Variants in TMEM132B observed in about 807,000 individuals in gnomAD.
TMEM132B encodes transmembrane protein 132B.
In TMEM132B, 18 loss-of-function variants were observed where a neutral mutation model predicts 90.8. That is an observed-to-expected ratio of 0.20 (90% CI 0.14 to 0.29). The LOEUF (loss-of-function observed/expected upper bound fraction) is 0.29. TMEM132B is among the 10% of genes least tolerant of loss of function. The probability of loss-of-function intolerance (pLI) is 1.00; values close to 1 mark genes in which losing one functional copy is unlikely to be tolerated. For missense variants in TMEM132B, 1,096 were observed against 1,326.8 expected (o/e 0.83, Z 2.70); for synonymous variants, 504 against 523.3 (o/e 0.96, Z 0.50).
At chr12:125,255,794 G>A (rs1320666450) in intron 1 of TMEM132B, among the ~76,000 whole-genome samples, 2 of 152,124 alleles carry the variant, frequency 1.3e-5, no homozygotes, top group South Asian at 2.1e-4. Context: ...GAGGGAAAAC[G>A]ACATCTTTCA....
At position 125,407,007 on chromosome 12, in the gene TMEM132B, C is replaced by G. The variant is rs181021924; in HGVS notation, c.960-8524C>G. 2.0e-5 allele frequency among the ~76,000 whole-genome samples: 3 copies of G among 152,292 alleles called. No individual in the cohort carries two copies. Among genetic ancestry groups the G allele is most frequent in the Non-Finnish European group, 4.4e-5 (3 of 68,018 alleles). ...GCTTCTCCCAGAGCTGATGTGCAAC[C>G]ATAGGCACAGAGTGCTGCCAACTGG... On this transcript the variant is annotated intron_variant, in intron 2 of 8. Transcript: ENST00000682704. This position sits in a 1 kb window ranked among gnomAD's most constrained non-coding sequence, Gnocchi z 6.7.
intron 3 of TMEM132B, among the ~76,000 whole-genome samples, chr12:125,416,028 T>G (rs532307119): frequency 1.1e-4 from 16 of 152,334 alleles, no homozygotes; most frequent in South Asian, 1.0e-3. Context: ...CGTCCCTTAG[T>G]GCTTAAATAT....
In TMEM132B at chr12:125,199,765, G is replaced by A. The variant is rs535512867; in HGVS notation, c.67+12899G>A. On this transcript the variant is annotated intron_variant, in intron 1 of 8. Coordinates refer to ENST00000682704, the MANE Select transcript of TMEM132B (RefSeq NM_001366854.1). ...TCATGGCTCAAAATGACAGCTACAG[G>A]TGCAGCCATCTCATCTCCATCCCAG... Among the ~76,000 whole-genome samples the A allele has an allele frequency of 2.8e-4, 42 of 152,140 alleles. 1 individual carries two copies. Among genetic ancestry groups the A allele is most frequent in the South Asian group, 6.2e-4 (3 of 4,822 alleles).
chr12:125,206,544 A>G (rs1873190212), intron 1 of TMEM132B, among the ~76,000 whole-genome samples: 2 of 152,032 alleles, frequency 1.3e-5, no homozygotes, highest in African/African-American at 4.8e-5. Flanking sequence ...GGTCTGATTG[A>G]TATAAACGAG....
At chr12:125,620,528 C>T (rs1886092001) in intron 5 of TMEM132B, among the ~76,000 whole-genome samples, 1 of 152,172 alleles carries the variant, frequency 6.6e-6, no homozygotes, top group African/African-American at 2.4e-5. Context: ...CTGTCTTTCT[C>T]CAATGATAAA....
At chr12:125,505,184 A>ACAAAAG (rs759860832) in intron 3 of TMEM132B, among the ~76,000 whole-genome samples, 1 of 144,234 alleles carries the variant, frequency 6.9e-6, no homozygotes, top group Non-Finnish European at 1.5e-5. Flanking sequence ...AAAAAAAAAA[A>ACAAAAG]AAAAAAAAAA....
At chr12:125,360,191 A>G (rs1206285284) in intron 2 of TMEM132B, among the ~76,000 whole-genome samples, 1 of 152,222 alleles carries the variant, frequency 6.6e-6, no homozygotes, top group Non-Finnish European at 1.5e-5. Flanking sequence ...GTAAGATAAC[A>G]TCTGACAAAG....
rs1206513620 is a variant in TMEM132B, at chr12:125,589,290, G to A, written c.1437+5296G>A. Among the ~76,000 whole-genome samples, 5 of 152,052 alleles carry A rather than the reference G, an allele frequency of 3.3e-5. No homozygotes were observed. The East Asian group carries it at 5.8e-4, about 18-fold the overall frequency. On this transcript the variant is annotated intron_variant, in intron 5 of 8. Coordinates refer to ENST00000682704, the MANE Select transcript of TMEM132B (RefSeq NM_001366854.1). Reference sequence around the variant, plus strand: ...GAGGTCAGGAGATCGAGACCATCCTGGCTAACACGGTGAAACCCTGTCTCT... The same window carrying A: ...GAGGTCAGGAGATCGAGACCATCCTAGCTAACACGGTGAAACCCTGTCTCT...
rs140710425 is a variant in TMEM132B at position 125,500,112 on chromosome 12, C to G, written c.1107-19327C>G. ...CCAGCTTTCACTATCTTGTGTGTGTCTATTATTTCTCAACCTGCCAGTCCA... is the reference window on the plus strand; with the variant it reads ...CCAGCTTTCACTATCTTGTGTGTGTGTATTATTTCTCAACCTGCCAGTCCA... On this transcript the variant is annotated intron_variant, in intron 3 of 8. Transcript: ENST00000682704. 4.1e-3 allele frequency among the ~76,000 whole-genome samples: 625 copies of G among 152,286 alleles called. 6 individuals carry two copies. Among genetic ancestry groups the G allele is most frequent in the African/African-American group, 0.014 (584 of 41,552 alleles).
intron 2 of TMEM132B, among the ~76,000 whole-genome samples, chr12:125,391,528 G>A (rs1381941756): frequency 6.6e-6 from 1 of 152,110 alleles, no homozygotes; most frequent in Non-Finnish European, 1.5e-5. Flanking sequence ...CCGCAAGCCT[G>A]GCAGCAAAGT....
chr12:125,419,947 C>A (rs996464601), intron 3 of TMEM132B, among the ~76,000 whole-genome samples: 2 of 152,226 alleles, frequency 1.3e-5, no homozygotes, highest in Non-Finnish European at 1.5e-5. Context: ...CTAAAATGAT[C>A]TCCTTTGACT....
intron 1 of TMEM132B, among the ~76,000 whole-genome samples, chr12:125,304,333 C>T (rs1050963321): frequency 1.3e-5 from 2 of 152,012 alleles, no homozygotes; most frequent in Non-Finnish European, 2.9e-5. Context: ...GTTTGGGGAC[C>T]CCTGCTTTAA....
At chr12:125,297,080 G>A (rs1875689111) in intron 1 of TMEM132B, among the ~76,000 whole-genome samples, 1 of 152,212 alleles carries the variant, frequency 6.6e-6, no homozygotes, top group South Asian at 2.1e-4. Flanking sequence ...TAGGCTAAGG[G>A]GAGGGTGACG....
chr12:125,493,804 TC>T lies in TMEM132B; in HGVS notation c.1107-25632del, dbSNP rs1320506308. ...CCCCTCCTCCCTGGGAATGGCCGTG[TC>T]CCTCCTCTCCGTCCTCCCTGGAAAT... On this transcript the variant is annotated intron_variant, in intron 3 of 8. Transcript: ENST00000682704. Among the ~76,000 whole-genome samples the T allele has an allele frequency of 5.3e-5, 8 of 151,034 alleles. No individual in the cohort carries two copies. The South Asian group carries it at 6.3e-4, about 12-fold the overall frequency.
chr12:125,532,484 C>T (rs1306157514), intron 4 of TMEM132B, among the ~76,000 whole-genome samples: 2 of 151,950 alleles, frequency 1.3e-5, no homozygotes, highest in Admixed American at 6.6e-5. Flanking sequence ...TATTTTACAA[C>T]CCCTTAAAGG....
At chr12:125,320,125 G>C (rs1876388960) in intron 1 of TMEM132B, among the ~76,000 whole-genome samples, 1 of 152,236 alleles carries the variant, frequency 6.6e-6, no homozygotes, top group South Asian at 2.1e-4. Context: ...CCTGCACTGA[G>C]CTTTGGCCTT....
intron 1 of TMEM132B, among the ~76,000 whole-genome samples, chr12:125,284,315 A>G (rs551846976): frequency 2.8e-4 from 43 of 152,136 alleles, no homozygotes; most frequent in Non-Finnish European, 5.6e-4. Context: ...AGATTTTTCT[A>G]TGCATGTATG....
intron 6 of TMEM132B, among the ~76,000 whole-genome samples, chr12:125,645,539 G>A (rs1464140282): frequency 1.3e-5 from 2 of 152,210 alleles, no homozygotes; most frequent in African/African-American, 4.8e-5. Flanking sequence ...GTAGCTGAGA[G>A]CAGCCTCCAA....
intron 1 of TMEM132B, among the ~76,000 whole-genome samples, chr12:125,200,055 G>A (rs1436659198): frequency 6.6e-6 from 1 of 152,110 alleles, no homozygotes; most frequent in South Asian, 2.1e-4. Context: ...TAAATCCCTC[G>A]GCAGGAAGTA....
Sources: gnomAD v4.1 joint callset for allele counts (sites outside exome capture counted in the v4.1 genomes callset) on GRCh38, gnomAD v4.1.1 for gene constraint, Gnocchi (gnomAD v3.1) non-coding constraint, MANE v1.5 for transcripts, NCBI Gene and HGNC (gene_info 2026-07-23, HGNC 2026-07-21) for gene names.